Variants in SDK2 observed in about 807,000 individuals in gnomAD.
The protein encoded by SDK2 is protein sidekick-2.
SDK2 carries 105 observed loss-of-function variants against 253.9 expected under a neutral mutation model. That is an observed-to-expected ratio of 0.41 (90% CI 0.35 to 0.49). SDK2 has a LOEUF of 0.49. Among genes scored for constraint, SDK2 ranks in the 20% least tolerant of loss-of-function variants. The pLI is 0.06. For missense variants in SDK2, 2,608 were observed against 3,003.0 expected (o/e 0.87, Z 3.07); for synonymous variants, 1,249 against 1,234.9 (o/e 1.01, Z -0.24).
chr17:73,541,669 G>A lies in SDK2; in HGVS notation c.65-34072C>T, dbSNP rs912640809. On this transcript the variant is annotated intron_variant, in intron 1 of 44. Transcript: ENST00000392650. This position sits in a 1 kb window ranked among gnomAD's most constrained non-coding sequence, Gnocchi z 4.3. ...TCCTGATTTTGCCTGCTTTTGTTTG[G>A]TTTGATATGAAAATGAGTTTGCCCA... Among the ~76,000 whole-genome samples, 2 of 152,148 alleles carry A rather than the reference G, an allele frequency of 1.3e-5. No homozygotes were observed. The highest frequency in any genetic ancestry group is 4.8e-5 in the African/African-American group (2 of 41,430).
At position 73,393,594 on chromosome 17, in the gene SDK2, G is replaced by A. The variant is rs200464057; in HGVS notation, c.3864C>T (p.Ser1288=). 6 of 1,575,694 alleles carry A rather than the reference G, an allele frequency of 3.8e-6. No individual in the cohort carries two copies. The highest frequency in any genetic ancestry group is 1.7e-4 in the Middle Eastern group (1 of 5,956). ...AFTRIGDGSP[S]HPPILERTLD... ...GCGTCCGCTCCAGGATGGGAGGGTG[G>A]CTGGGGCTGCCGTCCCCGATGCGTG... The change falls in exon 27 of 45, where the codon AGC becomes AGT. Residue 1288 remains serine, a synonymous_variant. Transcript: ENST00000392650.
At chr17:73,531,031 C>G (rs556585369) in intron 1 of SDK2, among the ~76,000 whole-genome samples, 2 of 152,130 alleles carry the variant, frequency 1.3e-5, no homozygotes, top group African/African-American at 2.4e-5. Context: ...CTCCTTTTCC[C>G]GCCTTTCCTT....
intron 31 of SDK2, 143 bp downstream of exon 31, chr17:73,386,302 A>T (rs1337704822): frequency 4.5e-6 from 3 of 659,572 alleles, no homozygotes; most frequent in Non-Finnish European, 8.0e-6. Flanking sequence ...AACCTCCCTG[A>T]GACCCTACCC....
At position 73,402,080 on chromosome 17, in the gene SDK2, A is replaced by G; in HGVS notation, c.2546T>C (p.Phe849Ser). ...EVTMVTARPN[F>S]QDSIHVGFVS... is the part of the protein sequence containing the mutation. ...GAAGCCCACGTGGATGCTGTCTTGA[A>G]AGTTAGGCCGGGCGGTCACCATGGT... The change falls in exon 19 of 45, where the codon TTT becomes TCT. Residue 849 changes from phenylalanine (F) to serine (S), a missense_variant. Transcript: ENST00000392650. 6.2e-7 allele frequency: 1 copy of G among 1,614,002 alleles called. No individual in the cohort carries two copies. Among genetic ancestry groups the G allele is most frequent in the Non-Finnish European group, 8.5e-7 (1 of 1,179,874 alleles).
intron 4 of SDK2, among the ~76,000 whole-genome samples, chr17:73,452,294 T>C (rs1398353698): frequency 4.0e-5 from 6 of 151,802 alleles, no homozygotes; most frequent in Non-Finnish European, 8.8e-5. Flanking sequence ...CTCTGGCAGA[T>C]AGCACTCATC....
At chr17:73,444,083 G>A (rs189080862) in intron 5 of SDK2, among the ~76,000 whole-genome samples, 6 of 152,322 alleles carry the variant, frequency 3.9e-5, no homozygotes, top group Non-Finnish European at 8.8e-5. Flanking sequence ...CTGGTACACA[G>A]TAGGTGCTCA....
chr17:73,445,267 G>A (rs78153803), intron 5 of SDK2, among the ~76,000 whole-genome samples: 2 of 152,314 alleles, frequency 1.3e-5, no homozygotes, highest in African/African-American at 4.8e-5. Flanking sequence ...GTTATGTTGG[G>A]TTAAATAAAA....
intron 6 of SDK2, 135 bp from the exon 7 acceptor site, chr17:73,438,289 G>A (rs2063387081): frequency 1.3e-6 from 1 of 748,832 alleles, no homozygotes; most frequent in Non-Finnish European, 2.1e-6. Flanking sequence ...CCACTTTGTA[G>A]ATGCAAGATC....
intron 1 of SDK2, among the ~76,000 whole-genome samples, chr17:73,617,573 C>T (rs1456170967): frequency 2.0e-5 from 3 of 150,926 alleles, no homozygotes; most frequent in South Asian, 4.2e-4. Context: ...CATACCTAGT[C>T]GACAGGCTCC....
chr17:73,358,125 C>T lies in SDK2; in HGVS notation c.5547G>A (p.Pro1849=), dbSNP rs376014699. ...CGTAGCGGGTGATGGGCCCTTTGCC[C>T]GGGTCTCCGCTGGACCAGTGAATGG... ...AIAIHWSSGD[P]GKGPITRYVI... Residue 1849 remains proline (P), a synonymous_variant, in exon 40 of 45, where the codon CCG becomes CCA. Transcript: ENST00000392650. 2.8e-5 allele frequency: 45 copies of T among 1,613,220 alleles called. No individual in the cohort carries two copies. Among genetic ancestry groups the T allele is most frequent in the East Asian group, 1.6e-4 (7 of 44,884 alleles).
intron 1 of SDK2, among the ~76,000 whole-genome samples, chr17:73,637,568 AG>A (rs1208157731): frequency 2.6e-5 from 4 of 152,266 alleles, no homozygotes; most frequent in Non-Finnish European, 4.4e-5. Flanking sequence ...TAGTAGAGAC[AG>A]GGTTTTGCCA....
At chr17:73,386,608 T>C (rs7212508) in intron 30 of SDK2, 60 bp from the exon 31 acceptor site, 1,170,096 of 1,171,892 alleles carry the variant, frequency 1, 584,172 homozygotes, top group East Asian at 1. Context: ...CGCCCCATGC[T>C]CCCACCAAGG....
At chr17:73,549,893 A>G (rs750720426) in intron 1 of SDK2, among the ~76,000 whole-genome samples, 81 of 152,170 alleles carry the variant, frequency 5.3e-4, no homozygotes, top group Non-Finnish European at 9.0e-4. Context: ...GTAGTGGGGA[A>G]CGCCAAGTGG....
intron 1 of SDK2, among the ~76,000 whole-genome samples, chr17:73,553,765 G>A (rs1385845824): frequency 6.6e-6 from 1 of 152,212 alleles, no homozygotes; most frequent in Non-Finnish European, 1.5e-5. Flanking sequence ...CTGAGGAGGT[G>A]CTGGCAGAGG....
chr17:73,449,228 C>T (rs551046541), intron 4 of SDK2, among the ~76,000 whole-genome samples: 1 of 152,306 alleles, frequency 6.6e-6, no homozygotes, highest in African/African-American at 2.4e-5. Context: ...TTCCTCCCTC[C>T]ACCCATTCTC....
intron 1 of SDK2, among the ~76,000 whole-genome samples, chr17:73,574,161 T>C (rs967360723): frequency 6.6e-6 from 1 of 152,220 alleles, no homozygotes; most frequent in African/African-American, 2.4e-5. Context: ...GGAAGCTCCA[T>C]GAAGGCAAGG....
At chr17:73,584,070 C>G (rs376756578) in intron 1 of SDK2, among the ~76,000 whole-genome samples, 5 of 152,350 alleles carry the variant, frequency 3.3e-5, no homozygotes, top group Admixed American at 2.6e-4. Context: ...AAGGCCTTCT[C>G]TAGCAGTACG....
intron 1 of SDK2, among the ~76,000 whole-genome samples, chr17:73,566,674 T>C (rs1447985877): frequency 6.6e-6 from 1 of 152,156 alleles, no homozygotes; most frequent in Non-Finnish European, 1.5e-5. Context: ...ACCCTGGTTA[T>C]GCCTTAATAA....
intron 1 of SDK2, among the ~76,000 whole-genome samples, chr17:73,508,174 C>T (rs886224372): frequency 3.3e-5 from 5 of 152,264 alleles, no homozygotes; most frequent in Non-Finnish European, 7.3e-5. Flanking sequence ...GCCTCTACCT[C>T]CCCGTTCACT....
Sources: allele counts gnomAD v4.1 joint callset (sites outside exome capture counted in the v4.1 genomes callset), GRCh38; gene constraint gnomAD v4.1.1; non-coding constraint Gnocchi (gnomAD v3.1); transcripts MANE v1.5; gene names NCBI Gene and HGNC (gene_info 2026-07-23, HGNC 2026-07-21).